NUP214: variants seen among roughly 807,000 people sequenced by gnomAD.
NUP214 encodes the protein nucleoporin 214, also known as nuclear pore complex protein Nup214.
Under a neutral mutation model 196.2 loss-of-function variants are expected in NUP214, and 79 were observed. The observed-to-expected ratio is 0.40, with a 90% confidence interval of 0.34 to 0.49. NUP214 has a LOEUF of 0.49. Among genes scored for constraint, NUP214 ranks in the 20% least tolerant of loss-of-function variants. The pLI, the probability that NUP214 is intolerant of heterozygous loss-of-function variation, is 0.58. For missense variants in NUP214, 2,468 were observed against 2,539.0 expected (o/e 0.97, Z 0.60); for synonymous variants, 1,020 against 990.5 (o/e 1.03, Z -0.56).
Position 131,198,427 on chromosome 9 carries a change from T to G in NUP214, c.4933T>G (p.Phe1645Val), listed in dbSNP as rs752698398. 2.6e-5 allele frequency: 42 copies of G among 1,614,222 alleles called. No homozygotes were observed. Among genetic ancestry groups the G allele is most frequent in the Non-Finnish European group, 3.3e-5 (39 of 1,180,040 alleles). Residue 1645 changes from phenylalanine to valine, a missense_variant, in exon 29 of 36, where the codon TTT becomes GTT. This residue lies in a region of NUP214 where 1,801 missense variants were observed against 1,779.4 expected (regional missense o/e 1.01). Coordinates refer to ENST00000359428, the MANE Select transcript of NUP214 (RefSeq NM_005085.4). The stretch of plus-strand genomic sequence containing the variant: ...TACCGTCACTTCTGGCTCATCCGTC[T>G]TTGCTCAGCCTCCTGCTGCCAGTTC... ...FGTVTSGSSV[F>V]AQPPAASSSS... is the part of the protein sequence containing the mutation.
intron 35 of NUP214, among the ~76,000 whole-genome samples, 194 bp from the exon 36 acceptor site, chr9:131,233,260 C>T (rs931255493): frequency 6.6e-6 from 1 of 151,932 alleles, no homozygotes; most frequent in African/African-American, 2.4e-5. Flanking sequence ...CACTTGAGCC[C>T]GAGAGACAGA....
At position 131,232,592 on chromosome 9, in the gene NUP214, ATGC is replaced by A; in HGVS notation, c.6239+289_6239+291del. The A allele has an allele frequency of 1.9e-6, 1 of 528,574 alleles. No homozygotes were observed. Among genetic ancestry groups the A allele is most frequent in the Non-Finnish European group, 3.4e-6 (1 of 293,264 alleles). The allele number at this position is 528,574 out of a possible 1,614,324, so 32.7% of individuals were successfully genotyped here. On this transcript the variant is annotated intron_variant, in intron 35 of 35. Transcript: ENST00000359428. This position sits in a 1 kb window ranked among gnomAD's most constrained non-coding sequence, Gnocchi z 5.1. Reference sequence around the variant, plus strand: ...TGGGCCTGAGGGCAGCGCTGAGGAGATGCTGCTCCTGACTTCCCTGGAGGTTTC... The same window carrying A: ...TGGGCCTGAGGGCAGCGCTGAGGAGATGCTCCTGACTTCCCTGGAGGTTTC...
At chr9:131,219,604 G>A (rs1834500477) in intron 31 of NUP214, among the ~76,000 whole-genome samples, 1 of 152,200 alleles carries the variant, frequency 6.6e-6, no homozygotes, top group African/African-American at 2.4e-5. Flanking sequence ...GAAAACCTGG[G>A]AACCCATGGA....
At position 131,197,620 on chromosome 9, in the gene NUP214, GC is replaced by G; in HGVS notation, c.4133del (p.Pro1378ArgfsTer3). ...SGVPSGFNFT[A>X]PPVLGKHTEP... The stretch of plus-strand genomic sequence containing the variant: ...CGTGCCCTCAGGGTTTAATTTTACT[GC>G]CCCCCCGGTGTTAGGGAAGCACACG... On this transcript the variant is annotated frameshift_variant, in exon 29 of 36. Coordinates refer to ENST00000359428, the MANE Select transcript of NUP214 (RefSeq NM_005085.4). LOFTEE classifies it high-confidence loss of function. 1.2e-6 allele frequency: 2 copies of G among 1,613,798 alleles called. No individual in the cohort carries two copies. Among genetic ancestry groups the G allele is most frequent in the Non-Finnish European group, 1.7e-6 (2 of 1,179,944 alleles).
At chr9:131,180,652 C>T (rs1833247580) in intron 24 of NUP214, among the ~76,000 whole-genome samples, 1 of 152,222 alleles carries the variant, frequency 6.6e-6, no homozygotes, top group African/African-American at 2.4e-5. Context: ...CGCCAACCCA[C>T]AGCTATTCAA....
In NUP214 at chr9:131,140,659, A is replaced by G; in HGVS notation, c.1243A>G (p.Lys415Glu). ...NQNPGVKSLI[K>E]TPERLSLEGE... The stretch of plus-strand genomic sequence containing the variant: ...AAATCCTGGGGTTAAGTCTCTCATC[A>G]AAACACCAGAGCGACTTTCATTAGA... Residue 415 changes from lysine (K) to glutamate (E), a missense_variant, in exon 11 of 36, where the codon AAA (lysine) becomes GAA (glutamate). Physicochemically the swap from Lys to Glu is moderately conservative, Grantham distance 56. Transcript: ENST00000359428. 6.2e-7 allele frequency: 1 copy of G among 1,614,104 alleles called. No homozygotes were observed. The highest frequency in any genetic ancestry group is 1.1e-5 in the South Asian group (1 of 91,066).
chr9:131,145,743 C>T (rs775432186), intron 12 of NUP214, among the ~76,000 whole-genome samples: 11 of 152,194 alleles, frequency 7.2e-5, no homozygotes, highest in East Asian at 5.8e-4. Context: ...ACTCTCAAAA[C>T]GAGTTCTCAG....
intron 18 of NUP214, among the ~76,000 whole-genome samples, chr9:131,162,152 C>G (rs941502213): frequency 2.6e-5 from 4 of 152,272 alleles, no homozygotes; most frequent in Non-Finnish European, 2.9e-5. Context: ...CTACTATAGA[C>G]AATTGTAACA....
At chr9:131,190,738 G>A (rs141798555) in intron 26 of NUP214, 1 of 327,778 alleles carries the variant, frequency 3.1e-6, no homozygotes, top group Non-Finnish European at 5.5e-6. Context: ...GTATTCCAGA[G>A]ATCATGATTT....
Position 131,125,607 on chromosome 9 carries a change from G to A in NUP214, c.-98G>A, listed in dbSNP as rs895416599. 6.5e-7 allele frequency: 1 copy of A among 1,548,954 alleles called. No individual in the cohort carries two copies. Among genetic ancestry groups the A allele is most frequent in the South Asian group, 1.2e-5 (1 of 83,864 alleles). ...ATGCGAGGTCAACTGCGCGCCGCTG[G>A]CGCTGAGGGGAGGAAGTTTGCTGTC... On this transcript the variant is annotated 5_prime_UTR_variant, in exon 1 of 36. Transcript: ENST00000359428. The surrounding 1 kb of genome is among the most constrained non-coding windows in gnomAD (Gnocchi z 4.1).
intron 1 of NUP214, chr9:131,126,008 A>G: frequency 1.9e-6 from 1 of 522,844 alleles, no homozygotes; most frequent in Non-Finnish European, 3.4e-6. Flanking sequence ...AGTGGCAATA[A>G]CTGCTGTTTA....
chr9:131,169,586 G>A (rs1174053190), intron 21 of NUP214, among the ~76,000 whole-genome samples: 1 of 152,192 alleles, frequency 6.6e-6, no homozygotes, highest in South Asian at 2.1e-4. Flanking sequence ...TGTGACTAAT[G>A]GCTACTGTAA....
At chr9:131,216,092 A>G (rs1271431566) in intron 31 of NUP214, among the ~76,000 whole-genome samples, 1 of 151,266 alleles carries the variant, frequency 6.6e-6, no homozygotes, top group East Asian at 1.9e-4. Context: ...TAGTAGAGAC[A>G]GGGTTTCACC....
At chr9:131,186,643 C>T (rs1025575297) in intron 24 of NUP214, among the ~76,000 whole-genome samples, 1 of 152,226 alleles carries the variant, frequency 6.6e-6, no homozygotes, top group African/African-American at 2.4e-5. Context: ...CATATGTGAA[C>T]ACTAGTTATT....
intron 11 of NUP214, among the ~76,000 whole-genome samples, chr9:131,143,018 A>AT (rs1831969597): frequency 6.6e-6 from 1 of 152,112 alleles, no homozygotes; most frequent in African/African-American, 2.4e-5. Context: ...AAAATTATTC[A>AT]TTTTTGAGAC....
chr9:131,157,845 C>T (rs968054298), intron 17 of NUP214, among the ~76,000 whole-genome samples: 5 of 151,966 alleles, frequency 3.3e-5, no homozygotes, highest in African/African-American at 9.7e-5. Flanking sequence ...GGGGTTTCAC[C>T]GTGTTGACCA....
chr9:131,228,679 G>A (rs564961120), intron 33 of NUP214: 1 of 191,588 alleles, frequency 5.2e-6, no homozygotes, highest in African/African-American at 2.3e-5. Context: ...GCTTCTGTTA[G>A]GAAGTCCTCA....
At chr9:131,228,497 C>G in intron 33 of NUP214, 166 bp downstream of exon 33, 2 of 591,532 alleles carry the variant, frequency 3.4e-6, no homozygotes, top group Non-Finnish European at 5.4e-6. Flanking sequence ...GGGTAAGACT[C>G]ATTTCGTTCA....
rs1175318719 is a variant in NUP214 at position 131,174,064 on chromosome 9, C to G, written c.2903C>G (p.Ser968Cys). ...TTTGGGGCTTTTGTAGCCAGCCTGT[C>G]TCGATCAGCCTTTCTGTCTCAGAGA... ...PVRSTAPASL[S>C]RSAFLSQRYY... is the part of the protein sequence containing the mutation. Residue 968 changes from serine (S) to cysteine (C), a missense_variant, in exon 22 of 36, where the codon TCT (serine) becomes TGT (cysteine). This residue lies in a region of NUP214 where 1,801 missense variants were observed against 1,779.4 expected (regional missense o/e 1.01). Coordinates refer to ENST00000359428, the MANE Select transcript of NUP214 (RefSeq NM_005085.4). 1 of 1,612,192 alleles carries G rather than the reference C, an allele frequency of 6.2e-7. No homozygotes were observed. Among genetic ancestry groups the G allele is most frequent in the Non-Finnish European group, 8.5e-7 (1 of 1,179,380 alleles).
Sources: gnomAD v4.1 joint callset for allele counts (sites outside exome capture counted in the v4.1 genomes callset) on GRCh38, gnomAD v4.1.1 for gene constraint, gnomAD v4.1.1 regional missense constraint, Gnocchi (gnomAD v3.1) non-coding constraint, MANE v1.5 for transcripts, NCBI Gene and HGNC (gene_info 2026-07-23, HGNC 2026-07-21) for gene names.